Variants in MARK2 observed in about 807,000 individuals in gnomAD.
MARK2 encodes the protein serine/threonine-protein kinase MARK2.
Under a neutral mutation model 89.8 loss-of-function variants are expected in MARK2, and 16 were observed. That is an observed-to-expected ratio of 0.18 (90% confidence interval 0.12 to 0.27). The LOEUF (loss-of-function observed/expected upper bound fraction) is 0.27, where lower values mean the gene tolerates loss of function less well. Ranked by LOEUF, MARK2 falls within the 10% of genes least tolerant of loss-of-function variation. The pLI is 1.00. For synonymous variants in MARK2, 382 were observed against 399.5 expected (o/e 0.96, Z 0.52); for missense variants, 621 against 1,049.9 (o/e 0.59, Z 5.65).
chr11:63,843,114 G>T (rs914260048), intron 1 of MARK2, among the ~76,000 whole-genome samples: 2 of 152,184 alleles, frequency 1.3e-5, no homozygotes, highest in Non-Finnish European at 2.9e-5. Flanking sequence ...CAGAAGGAGG[G>T]TTCTAATCTG....
At chr11:63,846,016 C>T (rs949778782) in intron 1 of MARK2, among the ~76,000 whole-genome samples, 2 of 151,954 alleles carry the variant, frequency 1.3e-5, no homozygotes, top group African/African-American at 2.4e-5. Flanking sequence ...AGCCACCGCG[C>T]CCGGCATCAT....
At chr11:63,888,837 G>A (rs529692129) in intron 1 of MARK2, 1 of 1,299,382 alleles carries the variant, frequency 7.7e-7, no homozygotes, top group Admixed American at 2.3e-5. Context: ...GGCTGGCTGA[G>A]CCGGCAGCCC....
Position 63,903,254 on chromosome 11 carries a change from A to G in MARK2, c.1514+96A>G, listed in dbSNP as rs1408478254. 2.1e-6 allele frequency: 2 copies of G among 941,812 alleles called. No individual in the cohort carries two copies. The highest frequency in any genetic ancestry group is 3.4e-6 in the Non-Finnish European group (2 of 587,092). 58.3% of individuals were successfully genotyped at this position (941,812 alleles called of 1,614,324 possible). The stretch of plus-strand genomic sequence containing the variant: ...CACCGTCTCCTGTCCCTGCCAGCGC[A>G]TTGCTCCCTGCTCCCTGGAGTTCCA... On this transcript the variant is annotated intron_variant, in intron 14 of 18. Transcript: ENST00000402010. The surrounding 1 kb of genome is among the most constrained non-coding windows in gnomAD (Gnocchi z 5.1).
At chr11:63,878,613 C>A (rs1938916350) in intron 1 of MARK2, among the ~76,000 whole-genome samples, 1 of 151,994 alleles carries the variant, frequency 6.6e-6, no homozygotes, top group Admixed American at 6.6e-5. Flanking sequence ...TCGTGATCCA[C>A]CTGCCTCGGT....
At chr11:63,891,107 G>A (rs1475905294) in intron 1 of MARK2, among the ~76,000 whole-genome samples, 2 of 151,620 alleles carry the variant, frequency 1.3e-5, no homozygotes, top group Non-Finnish European at 2.9e-5. Flanking sequence ...TGTGAATGGG[G>A]GTCTCACTGT....
intron 1 of MARK2, among the ~76,000 whole-genome samples, chr11:63,854,961 A>G (rs183500171): frequency 3.3e-5 from 5 of 152,328 alleles, no homozygotes; most frequent in Non-Finnish European, 7.3e-5. Context: ...AGAACAACTG[A>G]TGGACAAACT....
chr11:63,906,491 C>G (rs1005801197), intron 17 of MARK2, among the ~76,000 whole-genome samples: 1 of 150,430 alleles, frequency 6.6e-6, no homozygotes, highest in Admixed American at 6.6e-5. Context: ...ACCCCACCCC[C>G]ACTCCCTCTC....
chr11:63,839,568 G>C lies in MARK2; in HGVS notation c.54+8G>C. 1 of 1,523,616 alleles carries C rather than the reference G, an allele frequency of 6.6e-7. No homozygotes were observed. The highest frequency in any genetic ancestry group is 8.8e-7 in the Non-Finnish European group (1 of 1,130,528). 94.4% of individuals were successfully genotyped at this position (1,523,616 alleles called of 1,614,324 possible). A position where few individuals can be genotyped will look rare whatever the true frequency, so the allele number is the denominator to read the frequency against. On this transcript the variant is annotated splice_region_variant and intron_variant, in intron 1 of 18. Coordinates refer to ENST00000402010, the MANE Select transcript of MARK2 (RefSeq NM_001039469.3). ...GAGAGGGACACGGAGCAGGTAAGGAGCCCCGAGGGCTCCCCGAATTCTCTG... is the reference window on the plus strand; with the variant it reads ...GAGAGGGACACGGAGCAGGTAAGGACCCCCGAGGGCTCCCCGAATTCTCTG...
At chr11:63,857,030 C>G (rs1348752230) in intron 1 of MARK2, among the ~76,000 whole-genome samples, 2 of 151,814 alleles carry the variant, frequency 1.3e-5, no homozygotes, top group Admixed American at 1.3e-4. Context: ...CCAGGATGGT[C>G]TCGATCTCCT....
intron 1 of MARK2, among the ~76,000 whole-genome samples, chr11:63,851,433 A>T (rs575673195): frequency 2.6e-5 from 4 of 152,268 alleles, no homozygotes; most frequent in South Asian, 2.1e-4. Flanking sequence ...AAATTTTTTT[A>T]AAAATAACTC....
At chr11:63,856,297 T>G (rs1421442113) in intron 1 of MARK2, among the ~76,000 whole-genome samples, 1 of 143,182 alleles carries the variant, frequency 7.0e-6, no homozygotes, top group Non-Finnish European at 1.5e-5. Flanking sequence ...CATACACCAC[T>G]GGCCCTGTGG....
At position 63,904,712 on chromosome 11, in the gene MARK2, G is replaced by A; in HGVS notation, c.1677-74G>A. ...CATCCCCCTCCCTGTCCCCACCACA[G>A]GGTGTCCAGGTGCCCAGTGATGGCT... On this transcript the variant is annotated intron_variant, in intron 15 of 18. Transcript: ENST00000402010. The surrounding 1 kb of genome is among the most constrained non-coding windows in gnomAD (Gnocchi z 6.3). 7.1e-7 allele frequency: 1 copy of A among 1,399,552 alleles called. No homozygotes were observed. The highest frequency in any genetic ancestry group is 1.0e-6 in the Non-Finnish European group (1 of 996,590). The allele number at this position is 1,399,552 out of a possible 1,614,324, so 86.7% of individuals were successfully genotyped here. A position where few individuals can be genotyped will look rare whatever the true frequency, so the allele number is the denominator to read the frequency against.
intron 2 of MARK2, 115 bp from the exon 3 acceptor site, chr11:63,895,465 G>T: frequency 7.1e-7 from 1 of 1,415,460 alleles, no homozygotes; most frequent in South Asian, 1.2e-5. Context: ...GAGATATAGG[G>T]GTGCAAAAAG....
chr11:63,867,924 G>T (rs114289025), intron 1 of MARK2, among the ~76,000 whole-genome samples: 4 of 152,144 alleles, frequency 2.6e-5, no homozygotes, highest in Non-Finnish European at 5.9e-5. Flanking sequence ...GTGGATTTGG[G>T]TCCCACACTG....
chr11:63,871,037 A>G (rs1443450046), intron 1 of MARK2, among the ~76,000 whole-genome samples: 1 of 152,198 alleles, frequency 6.6e-6, no homozygotes, highest in Non-Finnish European at 1.5e-5. Context: ...ATCTAATTTG[A>G]TATCAATTTT....
At chr11:63,896,827 G>T (rs914451924) in intron 3 of MARK2, among the ~76,000 whole-genome samples, 1 of 152,130 alleles carries the variant, frequency 6.6e-6, no homozygotes, top group Admixed American at 6.5e-5. Flanking sequence ...AGAAGTCAGC[G>T]TGGGGTAGGC....
At chr11:63,854,014 A>C (rs2016705535) in intron 1 of MARK2, among the ~76,000 whole-genome samples, 1 of 151,986 alleles carries the variant, frequency 6.6e-6, no homozygotes. Flanking sequence ...CTGGGATTAC[A>C]GGCACCTGCC....
At chr11:63,875,515 G>A (rs1055892566) in intron 1 of MARK2, among the ~76,000 whole-genome samples, 1 of 152,140 alleles carries the variant, frequency 6.6e-6, no homozygotes, top group African/African-American at 2.4e-5. Flanking sequence ...GCCTCCCAAA[G>A]TGCTGGGATT....
chr11:63,877,299 TG>T (rs576636825), intron 1 of MARK2, among the ~76,000 whole-genome samples: 41 of 151,646 alleles, frequency 2.7e-4, no homozygotes, highest in African/African-American at 9.7e-4. Context: ...TTAGTAGAGA[TG>T]GGGTTTCATC....
Sources: gnomAD v4.1 joint callset for allele counts (sites outside exome capture counted in the v4.1 genomes callset) on GRCh38, gnomAD v4.1.1 for gene constraint, Gnocchi (gnomAD v3.1) non-coding constraint, MANE v1.5 for transcripts, NCBI Gene and HGNC (gene_info 2026-07-23, HGNC 2026-07-21) for gene names.